Variants in TLN2 observed in about 807,000 individuals in gnomAD.
The protein encoded by TLN2 is talin-2.
A neutral mutation model predicts 294.7 loss-of-function variants in TLN2; 118 were observed. The observed-to-expected ratio is 0.40, with a 90% CI of 0.34 to 0.47. The LOEUF (loss-of-function observed/expected upper bound fraction) is 0.47, where lower values mean the gene tolerates loss of function less well. Among genes scored for constraint, TLN2 ranks in the 20% least tolerant of loss-of-function variants. The probability of loss-of-function intolerance (pLI) is 0.84; values close to 1 mark genes in which losing one functional copy is unlikely to be tolerated. For missense variants in TLN2, 3,083 were observed against 3,282.2 expected (o/e 0.94, Z 1.48); for synonymous variants, 1,431 against 1,304.5 (o/e 1.10, Z -2.09).
intron 56 of TLN2, 26 bp from the exon 57 acceptor site, chr15:62,835,865 G>A (rs752192234): frequency 1.2e-6 from 2 of 1,614,212 alleles, no homozygotes; most frequent in Admixed American, 1.7e-5. Flanking sequence ...TGGGCCTTGG[G>A]TCACTTCTCC....
chr15:62,479,986 AC>A (rs1413226107), intron 1 of TLN2, among the ~76,000 whole-genome samples: 1 of 152,240 alleles, frequency 6.6e-6, no homozygotes, highest in African/African-American at 2.4e-5. Flanking sequence ...ACTTGAGCAG[AC>A]CCAGGAGTGG....
rs2070965617 is a variant in TLN2, at chr15:62,844,032, T to C, written c.*3422T>C. 1 of 152,240 alleles carries C rather than the reference T, an allele frequency of 6.6e-6. No homozygotes were observed. The allele number at this position is 152,240 out of a possible 1,614,324, so 9.4% of individuals were successfully genotyped here. A position where few individuals can be genotyped will look rare whatever the true frequency, so the allele number is the denominator to read the frequency against. On this transcript the variant is annotated 3_prime_UTR_variant, in exon 59 of 59. Transcript: ENST00000636159. ...ACCCTCTGTTGACCAAGGGGCTGGCTGCTTCTGAGACTTACCAACCCAAGA... is the reference window on the plus strand; with the variant it reads ...ACCCTCTGTTGACCAAGGGGCTGGCCGCTTCTGAGACTTACCAACCCAAGA...
intron 1 of TLN2, among the ~76,000 whole-genome samples, chr15:62,447,974 G>A (rs1260567998): frequency 6.6e-6 from 1 of 152,226 alleles, no homozygotes; most frequent in Non-Finnish European, 1.5e-5. Flanking sequence ...TCCTCACTGT[G>A]AGTGGGCCAG....
chr15:62,793,084 C>G (rs540403129), intron 46 of TLN2, among the ~76,000 whole-genome samples: 1 of 152,234 alleles, frequency 6.6e-6, no homozygotes, highest in Non-Finnish European at 1.5e-5. Context: ...AAGTCCCCAT[C>G]AGCAGCCAGG....
In TLN2 at chr15:62,835,733, C is replaced by G. The variant is rs200539745; in HGVS notation, c.7129-4C>G. On this transcript the variant is annotated splice_region_variant and splice_polypyrimidine_tract_variant and intron_variant, in intron 55 of 58. Transcript: ENST00000636159. ...ATGGCCAATTTCTCGACTCTACTCTCTAGGTGGGCTCCATCCCTGCCAATG... is the reference window on the plus strand; with the variant it reads ...ATGGCCAATTTCTCGACTCTACTCTGTAGGTGGGCTCCATCCCTGCCAATG... 6 of 1,614,196 alleles carry G rather than the reference C, an allele frequency of 3.7e-6. No individual in the cohort carries two copies. Among genetic ancestry groups the G allele is most frequent in the Non-Finnish European group, 4.2e-6 (5 of 1,180,012 alleles).
chr15:62,628,288 A>G (rs569534899), intron 3 of TLN2, among the ~76,000 whole-genome samples: 4 of 152,330 alleles, frequency 2.6e-5, no homozygotes, highest in East Asian at 3.9e-4. Flanking sequence ...TCATGTACCT[A>G]TGGGGGCTTC....
At chr15:62,836,329 A>G (rs1359343649) in intron 57 of TLN2, among the ~76,000 whole-genome samples, 2 of 152,142 alleles carry the variant, frequency 1.3e-5, no homozygotes, top group African/African-American at 2.4e-5. Context: ...GCAGACCCCT[A>G]CTTGTCCTTT....
rs574264461 is a variant in TLN2, at chr15:62,599,577, G to A, written c.-162+9815G>A. 3.3e-5 allele frequency among the ~76,000 whole-genome samples: 5 copies of A among 152,242 alleles called. No homozygotes were observed. In the South Asian group the frequency reaches 1.0e-3, roughly 32 times the overall value. ...TTTAAATCTGAGGCAGACCCCAACC[G>A]TTCATCAAGAGAGGGAAACATCAGT... is the stretch of plus-strand genomic sequence containing the variant. On this transcript the variant is annotated intron_variant, in intron 2 of 58. Coordinates refer to ENST00000636159, the MANE Select transcript of TLN2 (RefSeq NM_015059.3).
intron 1 of TLN2, among the ~76,000 whole-genome samples, chr15:62,396,451 A>G (rs973570266): frequency 1.3e-5 from 2 of 152,132 alleles, no homozygotes; most frequent in South Asian, 2.1e-4. Context: ...TCAATTAATT[A>G]TTTTCTAAAA....
At chr15:62,399,573 C>T (rs887376615) in intron 1 of TLN2, among the ~76,000 whole-genome samples, 4 of 152,160 alleles carry the variant, frequency 2.6e-5, no homozygotes, top group Admixed American at 6.6e-5. Flanking sequence ...GCCACAGGGG[C>T]GAAGCTGTCC....
In TLN2 at chr15:62,717,731, A is replaced by G. The variant is rs776336649; in HGVS notation, c.2877+42A>G. 2.3e-5 allele frequency: 33 copies of G among 1,408,840 alleles called. No individual in the cohort carries two copies. The South Asian group carries it at 3.5e-4, about 15-fold the overall frequency. The allele number at this position is 1,408,840 out of a possible 1,614,324, so 87.3% of individuals were successfully genotyped here. On this transcript the variant is annotated intron_variant, in intron 24 of 58. Transcript: ENST00000636159. ...CAGAGAGCCAGGTCAGCTGCAGATG[A>G]CCCTGATAACATTAGAACACCAAGT...
intron 51 of TLN2, among the ~76,000 whole-genome samples, chr15:62,808,863 A>G (rs2066476617): frequency 6.6e-6 from 1 of 152,244 alleles, no homozygotes; most frequent in Non-Finnish European, 1.5e-5. Context: ...CATGAGAATT[A>G]GCCCCACTCT....
intron 1 of TLN2, among the ~76,000 whole-genome samples, chr15:62,569,742 G>C (rs996359602): frequency 6.6e-6 from 1 of 152,250 alleles, no homozygotes; most frequent in Non-Finnish European, 1.5e-5. Context: ...TGTTGTGATC[G>C]TGTAGGATAG....
chr15:62,481,562 A>G (rs1455970648), intron 1 of TLN2, among the ~76,000 whole-genome samples: 1 of 152,068 alleles, frequency 6.6e-6, no homozygotes, highest in Admixed American at 6.6e-5. Flanking sequence ...GGGTCACACC[A>G]TGATGCCCGG....
chr15:62,466,412 A>G (rs1247621713), intron 1 of TLN2, among the ~76,000 whole-genome samples: 1 of 152,114 alleles, frequency 6.6e-6, no homozygotes, highest in Non-Finnish European at 1.5e-5. Flanking sequence ...TGGCCTGTGC[A>G]TCGTAGGGTG....
intron 1 of TLN2, among the ~76,000 whole-genome samples, chr15:62,413,018 A>T (rs925772068): frequency 6.6e-6 from 1 of 152,170 alleles, no homozygotes; most frequent in Non-Finnish European, 1.5e-5. Flanking sequence ...AGAGTGGAGG[A>T]TAGGGAGGAG....
intron 20 of TLN2, among the ~76,000 whole-genome samples, chr15:62,708,112 G>T (rs1475132585): frequency 6.6e-6 from 1 of 152,120 alleles, no homozygotes; most frequent in Admixed American, 6.5e-5. Context: ...TCTGGGAATA[G>T]AAATAGAATT....
rs9888696 is a variant in TLN2 at position 62,593,492 on chromosome 15, G to A, written c.-162+3730G>A. ...TTCCATGCATTTTTTGGCTAATTAT[G>A]TTCATCAGTTAATTTCTTTCCACAT... On this transcript the variant is annotated intron_variant, in intron 2 of 58. Coordinates refer to ENST00000636159, the MANE Select transcript of TLN2 (RefSeq NM_015059.3). 2.8e-3 allele frequency among the ~76,000 whole-genome samples: 423 copies of A among 152,294 alleles called. 4 individuals are homozygous for A. Among genetic ancestry groups the A allele is most frequent in the African/African-American group, 9.9e-3 (410 of 41,560 alleles).
intron 9 of TLN2, among the ~76,000 whole-genome samples, chr15:62,660,976 G>T (rs1010566254): frequency 2.0e-5 from 3 of 152,090 alleles, no homozygotes; most frequent in Non-Finnish European, 2.9e-5. Context: ...GACTACTATG[G>T]ATTGTTTCTA....
Sources: allele counts gnomAD v4.1 joint callset (sites outside exome capture counted in the v4.1 genomes callset), GRCh38; gene constraint gnomAD v4.1.1; transcripts MANE v1.5; gene names NCBI Gene and HGNC (gene_info 2026-07-23, HGNC 2026-07-21).